The following INSR variants were observed in gnomAD, a reference collection of about 807,000 sequenced individuals.
The protein encoded by INSR is insulin receptor, also known as IR.
INSR carries 67 observed loss-of-function variants against 142.6 expected under a neutral mutation model. The ratio of observed to expected loss-of-function variants is 0.47; its 90% confidence interval spans 0.39 to 0.58. INSR has a LOEUF of 0.58. Ranked by LOEUF, INSR falls within the 20% of genes least tolerant of loss-of-function variation. The pLI is 0.00. For synonymous variants in INSR, 756 were observed against 743.1 expected (o/e 1.02, Z -0.28); for missense variants, 1,248 against 1,833.2 (o/e 0.68, Z 5.83).
At chr19:7,291,842 T>C (rs1045429345) in intron 1 of INSR, among the ~76,000 whole-genome samples, 2 of 152,034 alleles carry the variant, frequency 1.3e-5, no homozygotes, top group African/African-American at 2.4e-5. Flanking sequence ...TCTCGCTCTG[T>C]CGCCCAGTGG....
rs1368418389 is a variant in INSR at position 7,128,822 on chromosome 19, C to T, written c.2945+30G>A. The T allele has an allele frequency of 4.1e-6, 6 of 1,478,590 alleles. 1 individual carries two copies. In the South Asian group the frequency reaches 5.7e-5, roughly 14 times the overall value. 91.6% of individuals were successfully genotyped at this position (1,478,590 alleles called of 1,614,324 possible). A position where few individuals can be genotyped will look rare whatever the true frequency, so the allele number is the denominator to read the frequency against. On this transcript the variant is annotated intron_variant, in intron 15 of 21. Coordinates refer to ENST00000302850, the MANE Select transcript of INSR (RefSeq NM_000208.4). The stretch of plus-strand genomic sequence containing the variant: ...TTTTCCCCCAGAGAACCAACTGTTC[C>T]CAGCACACCACTGAACTCACTGAAC...
At chr19:7,289,344 G>A (rs1473781584) in intron 1 of INSR, among the ~76,000 whole-genome samples, 6 of 151,916 alleles carry the variant, frequency 3.9e-5, no homozygotes, top group Non-Finnish European at 2.9e-5. Flanking sequence ...GGGGATTGGG[G>A]GGTACTGGGT....
At chr19:7,127,627 A>T (rs1189704929) in intron 15 of INSR, among the ~76,000 whole-genome samples, 1 of 152,206 alleles carries the variant, frequency 6.6e-6, no homozygotes, top group Non-Finnish European at 1.5e-5. Context: ...TACAGCTTGA[A>T]TTTAGACATC....
chr19:7,227,634 C>T (rs943499128), intron 2 of INSR, among the ~76,000 whole-genome samples: 1 of 152,106 alleles, frequency 6.6e-6, no homozygotes, highest in Non-Finnish European at 1.5e-5. Flanking sequence ...AGTTTTGCAT[C>T]GACTCCAGCC....
intron 3 of INSR, among the ~76,000 whole-genome samples, chr19:7,180,189 C>T (rs1198316060): frequency 6.6e-6 from 1 of 152,158 alleles, no homozygotes; most frequent in African/African-American, 2.4e-5. Context: ...CAAGAGCTAG[C>T]TGATACACTC....
chr19:7,200,397 G>A (rs1974919610), intron 2 of INSR, among the ~76,000 whole-genome samples: 2 of 152,170 alleles, frequency 1.3e-5, no homozygotes, highest in Admixed American at 6.5e-5. Flanking sequence ...GTGCTCACAT[G>A]TGGACAATCT....
At chr19:7,158,431 G>A (rs1017652796) in intron 9 of INSR, among the ~76,000 whole-genome samples, 3 of 152,162 alleles carry the variant, frequency 2.0e-5, no homozygotes, top group East Asian at 3.9e-4. Flanking sequence ...AACCCGGGAG[G>A]CGGAGCTTGC....
chr19:7,121,239 T>C (rs989551888), intron 19 of INSR, among the ~76,000 whole-genome samples: 4 of 152,006 alleles, frequency 2.6e-5, no homozygotes, highest in African/African-American at 9.7e-5. Context: ...TCTCAGGTAA[T>C]CTACCCACCT....
chr19:7,226,432 AAC>A (rs1411581829), intron 2 of INSR, among the ~76,000 whole-genome samples: 14 of 82,906 alleles, frequency 1.7e-4, no homozygotes, highest in African/African-American at 5.0e-4. Context: ...AAAAAAAAAA[AAC>A]AACTCTAAGT....
intron 2 of INSR, among the ~76,000 whole-genome samples, chr19:7,190,703 G>A (rs530025307): frequency 6.6e-6 from 1 of 152,154 alleles, no homozygotes; most frequent in East Asian, 1.9e-4. Context: ...AACACTATAA[G>A]CTCATTCCAG....
intron 8 of INSR, among the ~76,000 whole-genome samples, chr19:7,163,409 A>C (rs1973808427): frequency 6.6e-6 from 1 of 151,856 alleles, no homozygotes; most frequent in Non-Finnish European, 1.5e-5. Context: ...AAATACAAAA[A>C]ATTAGCCAGG....
At chr19:7,158,637 G>A (rs1973674135) in intron 9 of INSR, among the ~76,000 whole-genome samples, 1 of 152,198 alleles carries the variant, frequency 6.6e-6, no homozygotes, top group African/African-American at 2.4e-5. Context: ...TGGGGACAGA[G>A]TTTCAGTTTG....
chr19:7,201,309 CA>C (rs1163378440), intron 2 of INSR, among the ~76,000 whole-genome samples: 2 of 151,980 alleles, frequency 1.3e-5, no homozygotes, highest in Non-Finnish European at 2.9e-5. Flanking sequence ...TTAATATTTC[CA>C]AAATTGTTAG....
intron 1 of INSR, among the ~76,000 whole-genome samples, chr19:7,269,999 G>C (rs1352099298): frequency 6.6e-6 from 1 of 152,066 alleles, no homozygotes; most frequent in African/African-American, 2.4e-5. Flanking sequence ...GTCTCGTTCT[G>C]TTGCCCAGGC....
chr19:7,204,275 G>T (rs12610860), intron 2 of INSR, among the ~76,000 whole-genome samples: 5 of 151,708 alleles, frequency 3.3e-5, no homozygotes, highest in South Asian at 2.1e-4. Flanking sequence ...GGCTGGTCTC[G>T]AACTCCTGAC....
Position 7,132,079 on chromosome 19 carries a change from C to T in INSR, c.2842+79G>A, listed in dbSNP as rs576028629. ...CCAGGGCCAGCACCTGCGGCCTCTC[C>T]AAGTCATCCCCTGCAATGTCCCACC... is the stretch of plus-strand genomic sequence containing the variant. On this transcript the variant is annotated intron_variant, in intron 14 of 21. Transcript: ENST00000302850. The T allele has an allele frequency of 8.2e-6, 13 of 1,584,638 alleles. No homozygotes were observed. The African/African-American group carries it at 1.7e-4, about 21-fold the overall frequency.
At chr19:7,147,034 C>T in intron 11 of INSR, among the ~76,000 whole-genome samples, 1 of 152,094 alleles carries the variant, frequency 6.6e-6, no homozygotes, top group South Asian at 2.1e-4. Flanking sequence ...TTTAAGTCTG[C>T]TAAGTAACAT....
At chr19:7,252,901 G>T (rs1277445331) in intron 2 of INSR, among the ~76,000 whole-genome samples, 1 of 151,990 alleles carries the variant, frequency 6.6e-6, no homozygotes, top group Non-Finnish European at 1.5e-5. Flanking sequence ...AGATCACAAG[G>T]TCAAGAGATT....
At chr19:7,137,359 A>T (rs1306087395) in intron 13 of INSR, among the ~76,000 whole-genome samples, 1 of 151,898 alleles carries the variant, frequency 6.6e-6, no homozygotes, top group African/African-American at 2.4e-5. Context: ...ACATGACCTC[A>T]GTCTAGCTGG....
Sources: gnomAD v4.1 joint callset for allele counts (sites outside exome capture counted in the v4.1 genomes callset) on GRCh38, gnomAD v4.1.1 for gene constraint, MANE v1.5 for transcripts, NCBI Gene and HGNC (gene_info 2026-07-23, HGNC 2026-07-21) for gene names.